Variants in ATP8A1 observed in about 807,000 individuals in gnomAD.
ATP8A1 encodes ATPase phospholipid transporting 8A1.
Under a neutral mutation model 177.7 loss-of-function variants are expected in ATP8A1, and 90 were observed. That is an observed-to-expected ratio of 0.51 (90% CI 0.43 to 0.60). The LOEUF (loss-of-function observed/expected upper bound fraction) is 0.60. Among genes scored for constraint, ATP8A1 ranks in the 20% least tolerant of loss-of-function variants. The pLI is 0.00. For synonymous variants in ATP8A1, 493 were observed against 485.9 expected, an observed-to-expected ratio of 1.01 and a Z score of -0.19; for missense variants, 1,072 against 1,392.8, an observed-to-expected ratio of 0.77 and a Z score of 3.67.
intron 8 of ATP8A1, among the ~76,000 whole-genome samples, chr4:42,587,218 A>G (rs898446286): frequency 1.3e-5 from 2 of 152,214 alleles, no homozygotes; most frequent in Non-Finnish European, 1.5e-5. Flanking sequence ...ACGGCTTTTT[A>G]AAAAACTTTA....
Position 42,588,177 on chromosome 4 carries a change from A to G in ATP8A1, c.594+83T>C, listed in dbSNP as rs554021464. 239 of 1,226,898 alleles carry G rather than the reference A, an allele frequency of 1.9e-4. No individual in the cohort carries two copies. In the African/African-American group the frequency reaches 3.1e-3, roughly 16 times the overall value. The allele number at this position is 1,226,898 out of a possible 1,614,324, so 76.0% of individuals were successfully genotyped here. Reference sequence around the variant, plus strand: ...TATTTGCAATAGGACAGATTAGTTCAAGACAATAACACAAAGAAAGAAGCT... The same window carrying G: ...TATTTGCAATAGGACAGATTAGTTCGAGACAATAACACAAAGAAAGAAGCT... On this transcript the variant is annotated intron_variant, in intron 8 of 36. Transcript: ENST00000381668.
intron 24 of ATP8A1, among the ~76,000 whole-genome samples, chr4:42,485,935 G>T (rs1176965798): frequency 6.6e-6 from 1 of 152,126 alleles, no homozygotes; most frequent in Admixed American, 6.6e-5. Context: ...TGTTTCTCAG[G>T]TGATTCTGTA....
intron 20 of ATP8A1, among the ~76,000 whole-genome samples, chr4:42,534,379 CA>C (rs1727569802): frequency 6.6e-6 from 1 of 152,006 alleles, no homozygotes; most frequent in Non-Finnish European, 1.5e-5. Flanking sequence ...TGGAAAGTCT[CA>C]ACAACAGATT....
intron 22 of ATP8A1, 33 bp downstream of exon 22, chr4:42,522,127 C>A (rs767631469): frequency 6.4e-7 from 1 of 1,573,070 alleles, no homozygotes; most frequent in South Asian, 1.2e-5. Context: ...GGAAACCAAA[C>A]CCTCTGTATG....
intron 5 of ATP8A1, among the ~76,000 whole-genome samples, chr4:42,609,918 C>G (rs1263810011): frequency 2.6e-5 from 4 of 152,112 alleles, no homozygotes; most frequent in Non-Finnish European, 5.9e-5. Flanking sequence ...TAACTTGCCT[C>G]CCTGTCCCTG....
rs114144873 is a variant in ATP8A1, at chr4:42,491,404, C to G, written c.2152-5736G>C. On this transcript the variant is annotated intron_variant, in intron 24 of 36. Transcript: ENST00000381668. ...AGGTAATATGTTCATATAATAAACTCTAATAAAATAATGTAACAGCAATCT... is the reference window on the plus strand; with the variant it reads ...AGGTAATATGTTCATATAATAAACTGTAATAAAATAATGTAACAGCAATCT... 8.3e-3 allele frequency among the ~76,000 whole-genome samples: 1,257 copies of G among 152,146 alleles called. 12 individuals are homozygous for G. Among genetic ancestry groups the G allele is most frequent in the African/African-American group, 0.028 (1,172 of 41,492 alleles).
In ATP8A1 at chr4:42,521,034, G is replaced by A. The variant is rs369920340; in HGVS notation, c.1947+1126C>T. Among the ~76,000 whole-genome samples, 37 of 152,272 alleles carry A rather than the reference G, an allele frequency of 2.4e-4. 1 individual carries two copies. The South Asian group carries it at 3.5e-3, about 14-fold the overall frequency. ...GCAGAGGGGGGAAATAGTCCAGGGA[G>A]GTACTGGTGGCACCAGCCACCTTTC... On this transcript the variant is annotated intron_variant, in intron 22 of 36. Transcript: ENST00000381668.
At chr4:42,548,153 T>C (rs1219753314) in intron 19 of ATP8A1, among the ~76,000 whole-genome samples, 2 of 152,242 alleles carry the variant, frequency 1.3e-5, no homozygotes, top group African/African-American at 4.8e-5. Context: ...TTGCTTTCTG[T>C]CCTTTCCTAA....
intron 27 of ATP8A1, among the ~76,000 whole-genome samples, chr4:42,461,587 T>C (rs967008534): frequency 6.6e-6 from 1 of 152,184 alleles, no homozygotes; most frequent in Non-Finnish European, 1.5e-5. Context: ...GTAAGTCCAT[T>C]AAACCTCTTT....
Position 42,442,741 on chromosome 4 carries a change from T to TA in ATP8A1, c.3123+823dup, listed in dbSNP as rs753502203. 3.9e-5 allele frequency among the ~76,000 whole-genome samples: 6 copies of TA among 152,292 alleles called. No homozygotes were observed. The South Asian group carries it at 1.2e-3, about 32-fold the overall frequency. On this transcript the variant is annotated intron_variant, in intron 33 of 36. Transcript: ENST00000381668. Reference sequence around the variant, plus strand: ...AAGTGAAAGGTACTCAGGCAGTACTTAGGGGCAACAAATACATGAAAACCA... The same window carrying TA: ...AAGTGAAAGGTACTCAGGCAGTACTTAAGGGGCAACAAATACATGAAAACCA...
chr4:42,512,910 G>A (rs1343899943), intron 22 of ATP8A1, among the ~76,000 whole-genome samples: 1 of 152,188 alleles, frequency 6.6e-6, no homozygotes, highest in Non-Finnish European at 1.5e-5. Flanking sequence ...AGGACAGATG[G>A]TGAATACTGT....
chr4:42,564,055 A>G (rs1293853212), intron 15 of ATP8A1, among the ~76,000 whole-genome samples: 2 of 152,338 alleles, frequency 1.3e-5, no homozygotes, highest in African/African-American at 4.8e-5. Flanking sequence ...ACATTGCACT[A>G]CTGCACTCCA....
chr4:42,601,037 T>TTTC lies in ATP8A1; in HGVS notation c.410-520_410-519insGAA, dbSNP rs1553913933. The stretch of plus-strand genomic sequence containing the variant: ...AGCAAAAACAACCCAAATTTTCTTT[T>TTTC]TTTTTTTTTTTTTTTTGAGATGGAG... On this transcript the variant is annotated intron_variant, in intron 5 of 36. Transcript: ENST00000381668. 1.2e-3 allele frequency among the ~76,000 whole-genome samples: 139 copies of TTTC among 112,616 alleles called. 5 individuals are homozygous for TTTC. The highest frequency in any genetic ancestry group is 1.5e-3 in the Non-Finnish European group (76 of 49,546). The allele number at this position is 112,616 out of a possible 152,430, so 73.9% of individuals were successfully genotyped here.
At chr4:42,580,397 T>C (rs752327549) in intron 10 of ATP8A1, among the ~76,000 whole-genome samples, 5 of 152,188 alleles carry the variant, frequency 3.3e-5, no homozygotes, top group Admixed American at 6.5e-5. Flanking sequence ...AATTTGAACA[T>C]AGGAAGGCAA....
At chr4:42,604,978 G>A (rs1735649364) in intron 5 of ATP8A1, among the ~76,000 whole-genome samples, 1 of 152,196 alleles carries the variant, frequency 6.6e-6, no homozygotes, top group Non-Finnish European at 1.5e-5. Context: ...CAAATCCATG[G>A]AGACAAAAGG....
At chr4:42,494,162 CAAAAAAAAAAAAAAAA>C (rs397993131) in intron 24 of ATP8A1, among the ~76,000 whole-genome samples, 1 of 53,458 alleles carries the variant, frequency 1.9e-5, no homozygotes, top group Admixed American at 3.3e-4. Context: ...GATCATGCCA[CAAAAAAAAAAAAAAAA>C]AAAAAAAAAA....
intron 34 of ATP8A1, among the ~76,000 whole-genome samples, chr4:42,423,174 G>T (rs1714190506): frequency 6.6e-6 from 1 of 151,536 alleles, no homozygotes; most frequent in African/African-American, 2.4e-5. Context: ...TTTTTTGTGG[G>T]AAGACATAAG....
At chr4:42,473,522 A>C (rs916941374) in intron 25 of ATP8A1, among the ~76,000 whole-genome samples, 2 of 152,212 alleles carry the variant, frequency 1.3e-5, no homozygotes, top group African/African-American at 4.8e-5. Flanking sequence ...GCTTGGTCTC[A>C]GAGTGGCCTC....
intron 33 of ATP8A1, among the ~76,000 whole-genome samples, chr4:42,441,664 C>T (rs1716660359): frequency 1.3e-5 from 2 of 152,094 alleles, no homozygotes; most frequent in South Asian, 4.1e-4. Context: ...CACCCACATC[C>T]CACCACACCC....
Sources: allele counts gnomAD v4.1 joint callset (sites outside exome capture counted in the v4.1 genomes callset), GRCh38; gene constraint gnomAD v4.1.1; transcripts MANE v1.5; gene names NCBI Gene and HGNC (gene_info 2026-07-23, HGNC 2026-07-21).